Variants in WDR70 observed in about 807,000 individuals in gnomAD.
The protein encoded by WDR70 is WD repeat domain 70.
A neutral mutation model predicts 88.6 loss-of-function variants in WDR70; 53 were observed. The observed-to-expected ratio is 0.60, with a 90% CI of 0.48 to 0.75. The LOEUF (loss-of-function observed/expected upper bound fraction) is 0.75. Among genes scored for constraint, WDR70 ranks in the 30% least tolerant of loss-of-function variants. WDR70 has a pLI of 0.00. For missense variants in WDR70, 610 were observed against 823.2 expected (o/e 0.74, Z 3.17); for synonymous variants, 280 against 270.0 (o/e 1.04, Z -0.36).
chr5:37,667,805 A>G (rs898462394), intron 10 of WDR70, among the ~76,000 whole-genome samples: 4 of 142,512 alleles, frequency 2.8e-5, no homozygotes, highest in African/African-American at 5.2e-5. Flanking sequence ...AGTGAGGTCC[A>G]GAGAATGTTA....
chr5:37,680,139 A>G (rs1581490902), intron 10 of WDR70, among the ~76,000 whole-genome samples: 1 of 148,912 alleles, frequency 6.7e-6, no homozygotes, highest in Non-Finnish European at 1.5e-5. Flanking sequence ...GCATTTGTCT[A>G]ACCATCAGTG....
At chr5:37,553,517 G>A (rs76747360) in intron 9 of WDR70, among the ~76,000 whole-genome samples, 2 of 152,210 alleles carry the variant, frequency 1.3e-5, no homozygotes, top group African/African-American at 4.8e-5. Flanking sequence ...AGTGTGTGTC[G>A]CAAGCAGTAC....
intron 12 of WDR70, among the ~76,000 whole-genome samples, chr5:37,702,543 CAT>C (rs1295819499): frequency 6.6e-6 from 1 of 152,094 alleles, no homozygotes; most frequent in Non-Finnish European, 1.5e-5. Context: ...CCAAAATAAT[CAT>C]TACTTAGACA....
chr5:37,530,183 T>C (rs1002498179), intron 9 of WDR70, among the ~76,000 whole-genome samples: 12 of 152,290 alleles, frequency 7.9e-5, no homozygotes, highest in African/African-American at 2.6e-4. Flanking sequence ...CATGGCGGAT[T>C]ATATTTTTGA....
chr5:37,444,472 G>T (rs1738397808), intron 7 of WDR70, among the ~76,000 whole-genome samples: 1 of 150,646 alleles, frequency 6.6e-6, no homozygotes, highest in Admixed American at 6.7e-5. Context: ...CCAAATAGCT[G>T]GGACTATATG....
At chr5:37,396,169 T>C (rs548862393) in intron 4 of WDR70, among the ~76,000 whole-genome samples, 3 of 127,272 alleles carry the variant, frequency 2.4e-5, no homozygotes, top group Non-Finnish European at 5.0e-5. Context: ...CCCTTTATTT[T>C]TGACTGCGTA....
intron 8 of WDR70, among the ~76,000 whole-genome samples, chr5:37,488,819 A>G (rs923937707): frequency 6.6e-6 from 1 of 151,870 alleles, no homozygotes; most frequent in African/African-American, 2.4e-5. Flanking sequence ...CTGTTGGTGG[A>G]GAATTATTGT....
intron 8 of WDR70, among the ~76,000 whole-genome samples, chr5:37,495,429 C>G (rs1740184902): frequency 6.6e-6 from 1 of 151,926 alleles, no homozygotes; most frequent in African/African-American, 2.4e-5. Flanking sequence ...AGATTACAGA[C>G]AGATTATCAG....
At chr5:37,495,862 C>T in intron 8 of WDR70, among the ~76,000 whole-genome samples, 1 of 152,198 alleles carries the variant, frequency 6.6e-6, no homozygotes, top group Admixed American at 6.5e-5. Flanking sequence ...CACAAGGGCA[C>T]TTAACATTCC....
intron 10 of WDR70, among the ~76,000 whole-genome samples, chr5:37,659,700 A>G (rs769026900): frequency 3.9e-5 from 6 of 152,156 alleles, no homozygotes; most frequent in Non-Finnish European, 8.8e-5. Flanking sequence ...GCCCGCTTCT[A>G]GCTTGCAGAG....
intron 8 of WDR70, among the ~76,000 whole-genome samples, chr5:37,499,206 C>T (rs1304593636): frequency 2.0e-5 from 3 of 151,924 alleles, no homozygotes; most frequent in Non-Finnish European, 4.4e-5. Flanking sequence ...CTCCACTCCC[C>T]AGGTTCAAGT....
At chr5:37,626,285 C>T (rs181883007) in intron 10 of WDR70, among the ~76,000 whole-genome samples, 41 of 152,196 alleles carry the variant, frequency 2.7e-4, no homozygotes, top group Non-Finnish European at 1.2e-4. Context: ...TAGGTATATT[C>T]CTTCTATACT....
intron 5 of WDR70, among the ~76,000 whole-genome samples, chr5:37,403,223 C>T (rs1295494643): frequency 1.3e-5 from 2 of 152,124 alleles, no homozygotes; most frequent in African/African-American, 2.4e-5. Context: ...GCTGGGATTA[C>T]AGGCATGAGC....
At chr5:37,506,450 G>T (rs2112232087) in intron 8 of WDR70, 2 of 767,678 alleles carry the variant, frequency 2.6e-6, no homozygotes, top group South Asian at 2.7e-5. Flanking sequence ...GGTCAATTAA[G>T]AAGGCTCCTC....
At chr5:37,716,408 A>G (rs1318909454) in intron 13 of WDR70, among the ~76,000 whole-genome samples, 1 of 152,170 alleles carries the variant, frequency 6.6e-6, no homozygotes, top group South Asian at 2.1e-4. Flanking sequence ...TTTTAATACA[A>G]ACTTGCTAAG....
At chr5:37,454,788 T>G (rs1202230004) in intron 7 of WDR70, among the ~76,000 whole-genome samples, 1 of 152,360 alleles carries the variant, frequency 6.6e-6, no homozygotes, top group East Asian at 1.9e-4. Context: ...ATTCTACAAC[T>G]AAGTATAACT....
intron 9 of WDR70, among the ~76,000 whole-genome samples, chr5:37,576,862 A>G (rs1743076549): frequency 1.3e-5 from 2 of 151,778 alleles, no homozygotes; most frequent in Admixed American, 1.3e-4. Context: ...TAAAAAGATC[A>G]TTTTTATGAC....
intron 11 of WDR70, 172 bp downstream of exon 11, chr5:37,697,926 G>A: frequency 3.9e-6 from 2 of 516,040 alleles, no homozygotes; most frequent in Non-Finnish European, 6.7e-6. Context: ...AACATTGTTT[G>A]TATTAAAAAT....
At chr5:37,452,422 T>A (rs1178485016) in intron 7 of WDR70, among the ~76,000 whole-genome samples, 2 of 152,140 alleles carry the variant, frequency 1.3e-5, no homozygotes, top group African/African-American at 4.8e-5. Context: ...CATGCCACCA[T>A]GCCCAGCTAA....
Sources: allele counts gnomAD v4.1 joint callset (sites outside exome capture counted in the v4.1 genomes callset), GRCh38; gene constraint gnomAD v4.1.1; transcripts MANE v1.5; gene names NCBI Gene and HGNC (gene_info 2026-07-23, HGNC 2026-07-21).